The following GBE1 variants were observed in gnomAD, a reference collection of about 807,000 sequenced individuals.
The protein encoded by GBE1 is 1,4-alpha-glucan-branching enzyme.
In GBE1, 70 loss-of-function variants were observed where a neutral mutation model predicts 88.8. That is an observed-to-expected ratio of 0.79 (90% CI 0.65 to 0.96). The LOEUF is 0.96. Ranked by LOEUF, GBE1 falls within the 40% of genes least tolerant of loss-of-function variation. The pLI is 0.00. For synonymous variants in GBE1, 284 were observed against 300.1 expected (o/e 0.95, Z 0.56); for missense variants, 872 against 871.0 (o/e 1.00, Z -0.01).
intron 1 of GBE1, among the ~76,000 whole-genome samples, chr3:81,736,713 TTCTTAA>T (rs1464777780): frequency 1.3e-5 from 2 of 152,210 alleles, no homozygotes; most frequent in Non-Finnish European, 2.9e-5. Flanking sequence ...GATTTATTCC[TTCTTAA>T]TCTTAATATC....
chr3:81,653,008 G>GAACT (rs1704872801), intron 3 of GBE1, among the ~76,000 whole-genome samples: 1 of 152,170 alleles, frequency 6.6e-6, no homozygotes, highest in Non-Finnish European at 1.5e-5. Flanking sequence ...CTGAAAGAAA[G>GAACT]AACTGGCTTG....
chr3:81,755,910 T>C (rs1303916232), intron 1 of GBE1, among the ~76,000 whole-genome samples: 1 of 152,054 alleles, frequency 6.6e-6, no homozygotes, highest in East Asian at 1.9e-4. Flanking sequence ...AAATGGTGAA[T>C]TATATATGTA....
Position 81,705,479 on chromosome 3 carries a change from G to T in GBE1, c.278C>A (p.Pro93Gln). The T allele has an allele frequency of 6.3e-7, 1 of 1,598,094 alleles. No homozygotes were observed. The highest frequency in any genetic ancestry group is 2.3e-5 in the East Asian group (1 of 44,178). ...DGGLYCKEWA[P>Q]GAEGVFLTGD... ...AGTAAGAAAAACTCCTTCTGCTCCC[G>T]GGGCCCATTCTTTGCAGTATAAACC... Residue 93 changes from proline (P) to glutamine (Q), a missense_variant, in exon 2 of 16, where the codon CCG becomes CAG. Pro to Gln is a moderately conservative substitution (Grantham distance 76). Coordinates refer to ENST00000429644, the MANE Select transcript of GBE1 (RefSeq NM_000158.4).
intron 1 of GBE1, among the ~76,000 whole-genome samples, chr3:81,718,746 C>T (rs1190122585): frequency 6.6e-6 from 1 of 152,162 alleles, no homozygotes; most frequent in African/African-American, 2.4e-5. Flanking sequence ...AAGTGATTCT[C>T]CTGCCTCAGC....
chr3:81,571,809 G>A (rs561274451), intron 12 of GBE1, among the ~76,000 whole-genome samples: 25 of 152,264 alleles, frequency 1.6e-4, no homozygotes, highest in Admixed American at 7.2e-4. Flanking sequence ...TCAAACCAGG[G>A]TGGAAAACAA....
intron 7 of GBE1, among the ~76,000 whole-genome samples, chr3:81,614,904 C>T (rs756149405): frequency 1.3e-4 from 19 of 151,924 alleles, no homozygotes; most frequent in Non-Finnish European, 2.2e-4. Flanking sequence ...TGGCATGTGC[C>T]TGTGGTTCCA....
chr3:81,751,271 A>G (rs1706525356), intron 1 of GBE1, among the ~76,000 whole-genome samples: 1 of 152,220 alleles, frequency 6.6e-6, no homozygotes, highest in Admixed American at 6.5e-5. Context: ...GTGATTTTAG[A>G]GGACTACAGC....
intron 14 of GBE1, among the ~76,000 whole-genome samples, chr3:81,507,797 T>C (rs1247782145): frequency 1.3e-5 from 2 of 152,110 alleles, no homozygotes; most frequent in Non-Finnish European, 2.9e-5. Flanking sequence ...GTGTGAACAC[T>C]GTCTTCGTTA....
rs1000222316 is a variant in GBE1 at position 81,580,622 on chromosome 3, G to A, written c.1446+543C>T. 2.6e-5 allele frequency among the ~76,000 whole-genome samples: 4 copies of A among 152,064 alleles called. 1 individual carries two copies. In the South Asian group the frequency reaches 6.2e-4, roughly 24 times the overall value. On this transcript the variant is annotated intron_variant, in intron 11 of 15. Coordinates refer to ENST00000429644, the MANE Select transcript of GBE1 (RefSeq NM_000158.4). ...GGAGTGGCTTTGAATTACAGGCTTC[G>A]ACCAGTATATCTGGGTTGACAAGAC...
chr3:81,491,858 T>G (rs1702440087), intron 15 of GBE1, among the ~76,000 whole-genome samples: 1 of 152,210 alleles, frequency 6.6e-6, no homozygotes, highest in Admixed American at 6.5e-5. Context: ...ATCTCAACTC[T>G]ACAAATGTTT....
At chr3:81,643,399 A>C (rs1704719714) in intron 6 of GBE1, among the ~76,000 whole-genome samples, 1 of 152,030 alleles carries the variant, frequency 6.6e-6, no homozygotes, top group African/African-American at 2.4e-5. Flanking sequence ...TATCCATGGT[A>C]CCTTGATTGA....
chr3:81,755,851 A>G (rs1224466360), intron 1 of GBE1, among the ~76,000 whole-genome samples: 1 of 152,096 alleles, frequency 6.6e-6, no homozygotes, highest in East Asian at 1.9e-4. Context: ...AAGGAGGAAA[A>G]TATATATAAA....
chr3:81,582,728 T>A (rs577465809), intron 10 of GBE1, among the ~76,000 whole-genome samples: 46 of 152,226 alleles, frequency 3.0e-4, no homozygotes, highest in African/African-American at 1.0e-3. Flanking sequence ...AAGTCTTATA[T>A]ATTGCACAGA....
chr3:81,750,561 A>ATGTATATATATATG (rs1559708400), intron 1 of GBE1, among the ~76,000 whole-genome samples: 5 of 81,988 alleles, frequency 6.1e-5, no homozygotes, highest in African/African-American at 2.5e-4. Flanking sequence ...GTATATATAT[A>ATGTATATATATATG]TGTATATATA....
intron 12 of GBE1, among the ~76,000 whole-genome samples, chr3:81,568,137 C>T (rs1703521364): frequency 1.3e-5 from 2 of 152,090 alleles, no homozygotes; most frequent in Admixed American, 6.6e-5. Flanking sequence ...TAGCTTACAG[C>T]CATCTTTGGA....
chr3:81,590,489 T>C (rs998207477), intron 9 of GBE1, among the ~76,000 whole-genome samples: 5 of 152,062 alleles, frequency 3.3e-5, no homozygotes, highest in African/African-American at 1.2e-4. Flanking sequence ...ATTATGCATA[T>C]ATGGAATTAT....
At chr3:81,538,120 C>T (rs1301661931) in intron 12 of GBE1, among the ~76,000 whole-genome samples, 2 of 151,900 alleles carry the variant, frequency 1.3e-5, no homozygotes, top group Non-Finnish European at 2.9e-5. Flanking sequence ...ATTAGTGCTA[C>T]AAATTTCTAA....
intron 14 of GBE1, among the ~76,000 whole-genome samples, chr3:81,526,486 CA>C (rs915919386): frequency 2.6e-4 from 39 of 152,144 alleles, no homozygotes; most frequent in African/African-American, 9.1e-4. Context: ...TGTCTCAGCC[CA>C]AAATCTCCTG....
intron 14 of GBE1, among the ~76,000 whole-genome samples, chr3:81,514,673 T>C (rs1702772763): frequency 6.6e-6 from 1 of 151,618 alleles, no homozygotes; most frequent in Non-Finnish European, 1.5e-5. Context: ...AGCCCGTAGG[T>C]AATTTTAGCG....
Sources: allele counts gnomAD v4.1 joint callset (sites outside exome capture counted in the v4.1 genomes callset), GRCh38; gene constraint gnomAD v4.1.1; transcripts MANE v1.5; gene names NCBI Gene and HGNC (gene_info 2026-07-23, HGNC 2026-07-21).